The following LSP1 variants were observed in gnomAD, a reference collection of about 807,000 sequenced individuals.
The protein encoded by LSP1 is lymphocyte specific protein 1.
LSP1 carries 32 observed loss-of-function variants against 49.3 expected under a neutral mutation model. The observed-to-expected ratio is 0.65, with a 90% confidence interval of 0.49 to 0.87. The LOEUF is 0.87. LSP1 is among the 40% of genes least tolerant of loss of function. The pLI is 0.00. For synonymous variants in LSP1, 179 were observed against 178.8 expected, an observed-to-expected ratio of 1.00 and a Z score of -0.01; for missense variants, 428 against 442.6, an observed-to-expected ratio of 0.97 and a Z score of 0.30.
At position 1,886,856 on chromosome 11, in the gene LSP1, C is replaced by A. The variant is rs138247091; in HGVS notation, c.842C>A (p.Pro281Gln). ...EVQAQSAAKT[P>Q]SCKDIVAGDM... ...CAGGCTCAGTCTGCGGCCAAGACTC[C>A]GTCCTGCAAGGTAAGGTCCCCTCCA... Residue 281 changes from proline to glutamine, a missense_variant, in exon 8 of 11, where the codon CCG (proline) becomes CAG (glutamine). Physicochemically the swap from Pro to Gln is moderately conservative, Grantham distance 76. Transcript: ENST00000311604. The A allele has an allele frequency of 1.9e-4, 307 of 1,611,348 alleles. No individual in the cohort carries two copies. In the African/African-American group the frequency reaches 3.9e-3, roughly 21 times the overall value.
chr11:1,853,673 C>G (rs1033539300), intron 1 of LSP1, among the ~76,000 whole-genome samples: 2 of 152,204 alleles, frequency 1.3e-5, no homozygotes, highest in African/African-American at 4.8e-5. Context: ...GGTCTGGAGG[C>G]CGCCAGGCTT....
chr11:1,853,344 G>A (rs1007589960), intron 1 of LSP1, 147 bp downstream of exon 1: 11 of 805,366 alleles, frequency 1.4e-5, no homozygotes, highest in Non-Finnish European at 2.1e-5. Flanking sequence ...GGGGAAACTG[G>A]GGACCCACAG....
At chr11:1,860,907 A>G (rs1197060536) in intron 1 of LSP1, among the ~76,000 whole-genome samples, 1 of 152,108 alleles carries the variant, frequency 6.6e-6, no homozygotes, top group Non-Finnish European at 1.5e-5. Flanking sequence ...AAAGATTAAT[A>G]GAAGGATGTC....
At chr11:1,860,697 G>T (rs929161296) in intron 1 of LSP1, among the ~76,000 whole-genome samples, 3 of 152,212 alleles carry the variant, frequency 2.0e-5, no homozygotes, top group African/African-American at 7.2e-5. Context: ...TTGTACCTGT[G>T]CATATTGGCT....
In LSP1 at chr11:1,870,448, G is replaced by T. The variant is rs1049724668; in HGVS notation, c.54-9639G>T. 2.4e-5 allele frequency: 29 copies of T among 1,202,834 alleles called. No homozygotes were observed. The South Asian group carries it at 3.4e-4, about 14-fold the overall frequency. 74.5% of individuals were successfully genotyped at this position (1,202,834 alleles called of 1,614,324 possible). On this transcript the variant is annotated intron_variant, in intron 1 of 10. Transcript: ENST00000311604. ...CCCAGGGATGATGAGTCTGGGAGGG[G>T]CTGGTCAGCCATGAAAGCTTCGGGG... is the stretch of plus-strand genomic sequence containing the variant.
intron 1 of LSP1, chr11:1,865,144 C>T (rs771369469): frequency 1.1e-4 from 106 of 969,396 alleles, no homozygotes; most frequent in Non-Finnish European, 1.0e-4. Flanking sequence ...CTTTGAGATG[C>T]TGCTCTATCC....
intron 1 of LSP1, among the ~76,000 whole-genome samples, chr11:1,869,925 T>C (rs1847928604): frequency 6.6e-6 from 1 of 152,022 alleles, no homozygotes; most frequent in Admixed American, 6.5e-5. Context: ...CCCTGCCTGG[T>C]CTTCCCCACA....
chr11:1,862,750 C>T (rs1415326953), intron 1 of LSP1, among the ~76,000 whole-genome samples: 2 of 151,536 alleles, frequency 1.3e-5, no homozygotes, highest in Non-Finnish European at 2.9e-5. Flanking sequence ...GACCTTACCT[C>T]CCCTAGGTAA....
At chr11:1,878,842 C>T (rs1322808603) in intron 1 of LSP1, among the ~76,000 whole-genome samples, 2 of 152,062 alleles carry the variant, frequency 1.3e-5, no homozygotes, top group Admixed American at 6.5e-5. Context: ...TCTAGGAGGG[C>T]GATGGGAGGC....
At chr11:1,882,499 C>G (rs1417130739) in intron 3 of LSP1, among the ~76,000 whole-genome samples, 1 of 152,196 alleles carries the variant, frequency 6.6e-6, no homozygotes, top group Non-Finnish European at 1.5e-5. Flanking sequence ...CCACCGCCCC[C>G]CTCCCTGGGC....
chr11:1,860,946 G>T (rs1336306629), intron 1 of LSP1, among the ~76,000 whole-genome samples: 1 of 152,166 alleles, frequency 6.6e-6, no homozygotes, highest in South Asian at 2.1e-4. Context: ...GATGGATATG[G>T]ATAATAGATG....
intron 1 of LSP1, among the ~76,000 whole-genome samples, chr11:1,857,348 C>A (rs1242435284): frequency 6.6e-6 from 1 of 152,210 alleles, no homozygotes; most frequent in African/African-American, 2.4e-5. Flanking sequence ...CCGGTGACAC[C>A]CTGGGGTGGC....
In LSP1 at chr11:1,883,355, A is replaced by T. The variant is rs189670532; in HGVS notation, c.357-64A>T. 62 of 1,575,458 alleles carry T rather than the reference A, an allele frequency of 3.9e-5. 1 individual carries two copies. In the East Asian group the frequency reaches 1.4e-3, roughly 36 times the overall value. ...GATGGGGAAACTGAGGCTTGGAAAA[A>T]GGAAGGGGTCAACCAAGCAATCCAA... On this transcript the variant is annotated intron_variant, in intron 3 of 10. Transcript: ENST00000311604.
intron 1 of LSP1, among the ~76,000 whole-genome samples, chr11:1,873,200 G>T (rs368547789): frequency 6.6e-6 from 1 of 151,930 alleles, no homozygotes; most frequent in Non-Finnish European, 1.5e-5. Context: ...GGTGGGGGGC[G>T]GCTCTGTCTC....
intron 1 of LSP1, chr11:1,863,671 A>C (rs1168411053): frequency 6.6e-6 from 1 of 152,202 alleles, no homozygotes; most frequent in Non-Finnish European, 1.5e-5. Context: ...ACTAGCCCCG[A>C]GTGTTCTCCA....
chr11:1,889,632 G>A, intron 10 of LSP1: 1 of 615,750 alleles, frequency 1.6e-6, no homozygotes, highest in Non-Finnish European at 3.0e-6. Flanking sequence ...TGGTGGGGTA[G>A]GGGATGAGGC....
At chr11:1,875,473 C>T (rs1848269954) in intron 1 of LSP1, among the ~76,000 whole-genome samples, 1 of 152,256 alleles carries the variant, frequency 6.6e-6, no homozygotes, top group South Asian at 2.1e-4. Context: ...CTGCTCTCTG[C>T]CTTCCTGCAT....
chr11:1,873,611 G>T (rs1168618771), intron 1 of LSP1, among the ~76,000 whole-genome samples: 1 of 147,972 alleles, frequency 6.8e-6, no homozygotes, highest in Non-Finnish European at 1.5e-5. Context: ...AGGGAGGAAG[G>T]GAAGGAGGGA....
chr11:1,872,322 C>A (rs1295692247), intron 1 of LSP1, among the ~76,000 whole-genome samples: 1 of 135,780 alleles, frequency 7.4e-6, no homozygotes, highest in African/African-American at 2.8e-5. Flanking sequence ...GGTGGGCAGG[C>A]CTGGGCTGTA....
Sources: allele counts gnomAD v4.1 joint callset (sites outside exome capture counted in the v4.1 genomes callset), GRCh38; gene constraint gnomAD v4.1.1; transcripts MANE v1.5; gene names NCBI Gene and HGNC (gene_info 2026-07-23, HGNC 2026-07-21).